The following CTDSPL2 variants were observed in gnomAD, a reference collection of about 807,000 sequenced individuals.
CTDSPL2 encodes the protein CTD small phosphatase-like protein 2.
Under a neutral mutation model 60.0 loss-of-function variants are expected in CTDSPL2, and 5 were observed. The ratio of observed to expected loss-of-function variants is 0.08; its 90% CI spans 0.04 to 0.18. The LOEUF (loss-of-function observed/expected upper bound fraction) is 0.18, where lower values mean the gene tolerates loss of function less well. CTDSPL2 is among the 10% of genes least tolerant of loss of function. The pLI is 1.00. For synonymous variants in CTDSPL2, 186 were observed against 189.3 expected (o/e 0.98, Z 0.14); for missense variants, 370 against 548.8 (o/e 0.67, Z 3.26).
At chr15:44,510,067 C>A (rs2081539731) in intron 8 of CTDSPL2, among the ~76,000 whole-genome samples, 1 of 151,638 alleles carries the variant, frequency 6.6e-6, no homozygotes, top group Non-Finnish European at 1.5e-5. Flanking sequence ...CTCACTGCAA[C>A]CTCTGTCTCC....
intron 1 of CTDSPL2, among the ~76,000 whole-genome samples, chr15:44,455,590 A>G (rs1189192866): frequency 4.0e-5 from 6 of 151,460 alleles, no homozygotes; most frequent in Admixed American, 6.6e-5. Context: ...TTTGAGATAC[A>G]TCCCATCAAT....
chr15:44,513,201 C>T (rs1027459961), intron 8 of CTDSPL2, among the ~76,000 whole-genome samples: 2 of 152,100 alleles, frequency 1.3e-5, no homozygotes, highest in African/African-American at 4.8e-5. Context: ...CTTGGTGGCT[C>T]ACGCCTGTAA....
intron 1 of CTDSPL2, among the ~76,000 whole-genome samples, chr15:44,456,011 C>T (rs546672498): frequency 3.3e-5 from 5 of 151,390 alleles, no homozygotes; most frequent in Non-Finnish European, 7.4e-5. Context: ...CCACCTCGCC[C>T]GGCTAATTTT....
intron 1 of CTDSPL2, among the ~76,000 whole-genome samples, chr15:44,438,550 T>C (rs1007858489): frequency 5.9e-5 from 9 of 152,188 alleles, no homozygotes. Flanking sequence ...TCTAAGTTTC[T>C]GGCTTGGCTA....
chr15:44,523,398 A>G (rs1252429973), intron 12 of CTDSPL2, among the ~76,000 whole-genome samples: 1 of 101,394 alleles, frequency 9.9e-6, no homozygotes, highest in Non-Finnish European at 2.5e-5. Context: ...CTACATACAT[A>G]CATACATACA....
chr15:44,431,083 A>G (rs149917102), intron 1 of CTDSPL2, among the ~76,000 whole-genome samples: 4,604 of 151,512 alleles, frequency 0.03, 107 homozygotes, highest in East Asian at 0.1. Flanking sequence ...CGGCCTCCCA[A>G]AGTGCTGGGA....
chr15:44,473,080 A>C (rs1281654908), intron 2 of CTDSPL2, among the ~76,000 whole-genome samples: 1 of 152,218 alleles, frequency 6.6e-6, no homozygotes, highest in Admixed American at 6.5e-5. Flanking sequence ...TACAGGTGTG[A>C]GCCACCACAC....
rs554597256 is a variant in CTDSPL2, at chr15:44,507,019, G to A, written c.969+7206G>A. Among the ~76,000 whole-genome samples, 9 of 146,102 alleles carry A rather than the reference G, an allele frequency of 6.2e-5. No individual in the cohort carries two copies. In the East Asian group the frequency reaches 6.2e-4, roughly 10 times the overall value. ...CCTGACCTCGTGATCCGCCCACCTC[G>A]GCCTCCCAAAGTGCTGAGATTACAG... On this transcript the variant is annotated intron_variant, in intron 8 of 12. Transcript: ENST00000260327.
intron 8 of CTDSPL2, among the ~76,000 whole-genome samples, chr15:44,506,412 C>CCTTTTTTTTTTTTTTTTTTTTTTTTTT (rs2081465570): frequency 8.9e-6 from 1 of 112,396 alleles, no homozygotes; most frequent in South Asian, 3.0e-4. Context: ...CCTACTTTGA[C>CCTTTTTTTTTTTTTTTTTTTTTTTTTT]TTTTTTTTTT....
intron 1 of CTDSPL2, among the ~76,000 whole-genome samples, chr15:44,453,797 T>C (rs1370182396): frequency 6.6e-6 from 1 of 151,850 alleles, no homozygotes; most frequent in Non-Finnish European, 1.5e-5. Context: ...AGTGTATATA[T>C]GCCACATTTT....
chr15:44,475,509 G>A (rs2080898032), intron 2 of CTDSPL2, among the ~76,000 whole-genome samples: 1 of 151,672 alleles, frequency 6.6e-6, no homozygotes, highest in Non-Finnish European at 1.5e-5. Context: ...TGTGGTGGTG[G>A]GCACCTGTAA....
intron 10 of CTDSPL2, chr15:44,517,190 T>C (rs1224171381): frequency 6.6e-6 from 1 of 150,602 alleles, no homozygotes; most frequent in East Asian, 2.0e-4. Flanking sequence ...ATTGTCTGTG[T>C]TGGTGACAAG....
intron 5 of CTDSPL2, 43 bp downstream of exon 5, chr15:44,491,042 A>AT (rs781537962): frequency 2.1e-6 from 3 of 1,416,106 alleles, no homozygotes; most frequent in Non-Finnish European, 3.0e-6. Context: ...TGAGTAGTTG[A>AT]TAAAAAATAA....
At chr15:44,465,038 C>T (rs1486274517) in intron 2 of CTDSPL2, among the ~76,000 whole-genome samples, 1 of 151,714 alleles carries the variant, frequency 6.6e-6, no homozygotes, top group Non-Finnish European at 1.5e-5. Context: ...TTTTAAAGGC[C>T]CTATCTTCAA....
intron 4 of CTDSPL2, among the ~76,000 whole-genome samples, chr15:44,488,831 C>T (rs2140798892): frequency 6.6e-6 from 1 of 151,864 alleles, no homozygotes; most frequent in South Asian, 2.1e-4. Flanking sequence ...AAAAACAAAA[C>T]AAAACAAAAA....
intron 1 of CTDSPL2, chr15:44,447,755 A>T (rs2080247321): frequency 6.5e-6 from 1 of 152,682 alleles, no homozygotes. Context: ...TGATCATGTA[A>T]AATCAAATGG....
intron 6 of CTDSPL2, 109 bp downstream of exon 6, chr15:44,496,567 A>C (rs1320508117): frequency 3.7e-6 from 3 of 811,404 alleles, no homozygotes; most frequent in Non-Finnish European, 6.1e-6. Context: ...TGTGACCTGT[A>C]GGTATTTGAA....
In CTDSPL2 at chr15:44,528,345, TTTTG is replaced by T. The variant is rs1431218819; in HGVS notation, c.*4176_*4179del. On this transcript the variant is annotated 3_prime_UTR_variant, in exon 13 of 13. Coordinates refer to ENST00000260327, the MANE Select transcript of CTDSPL2 (RefSeq NM_016396.3). ...GGGCCTGAGAGTTCTGGCTTTTTTT[TTTTG>T]TTTGGTTGGTTTTGTTTTGTTTTGT... The T allele has an allele frequency of 6.6e-6, 1 of 151,966 alleles. No homozygotes were observed. Among genetic ancestry groups the T allele is most frequent in the Admixed American group, 6.6e-5 (1 of 15,250 alleles). 9.4% of individuals were successfully genotyped at this position (151,966 alleles called of 1,614,324 possible). A position where few individuals can be genotyped will look rare whatever the true frequency, so the allele number is the denominator to read the frequency against.
intron 2 of CTDSPL2, among the ~76,000 whole-genome samples, chr15:44,460,633 G>A (rs1037102956): frequency 6.6e-6 from 1 of 152,108 alleles, no homozygotes; most frequent in Non-Finnish European, 1.5e-5. Flanking sequence ...CCTAATTACT[G>A]TAAGTCACTG....
Sources: allele counts gnomAD v4.1 joint callset (sites outside exome capture counted in the v4.1 genomes callset), GRCh38; gene constraint gnomAD v4.1.1; transcripts MANE v1.5; gene names NCBI Gene and HGNC (gene_info 2026-07-23, HGNC 2026-07-21).